The following CD8B2 variants were observed in gnomAD, a reference collection of about 807,000 sequenced individuals.
CD8B2 encodes the protein T-cell surface glycoprotein CD8 beta-2 chain.
A neutral mutation model predicts 23.7 loss-of-function variants in CD8B2; 11 were observed. The observed-to-expected ratio is 0.46, with a 90% CI of 0.29 to 0.77. The LOEUF is 0.77. Ranked by LOEUF, CD8B2 falls within the 30% of genes least tolerant of loss-of-function variation. The pLI, the probability that CD8B2 is intolerant of heterozygous loss-of-function variation, is 0.09. For missense variants in CD8B2, 197 were observed against 270.5 expected (o/e 0.73, Z 1.91); for synonymous variants, 90 against 109.3 (o/e 0.82, Z 1.10).
At chr2:106,533,230 G>A (rs1680017996) in intron 5 of CD8B2, among the ~76,000 whole-genome samples, 1 of 152,194 alleles carries the variant, frequency 6.6e-6, no homozygotes, top group Non-Finnish European at 1.5e-5. Flanking sequence ...ATTGCAGATG[G>A]ATAGGGCTCA....
chr2:106,521,464 T>C (rs1679824750), intron 5 of CD8B2: 1 of 152,164 alleles, frequency 6.6e-6, no homozygotes, highest in Non-Finnish European at 1.5e-5. Flanking sequence ...GAAAATGATA[T>C]GGGGGCTGCT....
In CD8B2 at chr2:106,487,383, G is replaced by T; in HGVS notation, c.-44G>T. ...CTCCTCACCCACCCCAGCCGCGACT[G>T]TCTCCGCCGAGCCCCCGGGGCCAGG... On this transcript the variant is annotated 5_prime_UTR_variant, in exon 1 of 6. Coordinates refer to ENST00000643224, the MANE Select transcript of CD8B2 (RefSeq NM_001349727.2). 1.7e-6 allele frequency: 2 copies of T among 1,169,358 alleles called. No individual in the cohort carries two copies. The highest frequency in any genetic ancestry group is 2.1e-6 in the Non-Finnish European group (2 of 932,334). 72.4% of individuals were successfully genotyped at this position (1,169,358 alleles called of 1,614,324 possible). A position where few individuals can be genotyped will look rare whatever the true frequency, so the allele number is the denominator to read the frequency against.
chr2:106,526,282 C>T (rs1269993984), intron 5 of CD8B2, among the ~76,000 whole-genome samples: 4 of 151,932 alleles, frequency 2.6e-5, no homozygotes, highest in Non-Finnish European at 5.9e-5. Context: ...ATACAACTCA[C>T]ATACCTAAAG....
Position 106,537,028 on chromosome 2 carries a change from G to C in CD8B2, c.621-6964G>C, listed in dbSNP as rs76712017. Among the ~76,000 whole-genome samples, 4 of 152,308 alleles carry C rather than the reference G, an allele frequency of 2.6e-5. No homozygotes were observed. In the South Asian group the frequency reaches 8.3e-4, roughly 32 times the overall value. The stretch of plus-strand genomic sequence containing the variant: ...TTCTCCAATAGGACACATCTGTGCT[G>C]TTGGCTCTAGGTGCCCTTTGTCTGT... On this transcript the variant is annotated intron_variant, in intron 5 of 5. Coordinates refer to the CD8B2 transcript ENST00000416057.
intron 5 of CD8B2, among the ~76,000 whole-genome samples, chr2:106,539,015 C>T (rs1177709632): frequency 6.6e-6 from 1 of 152,148 alleles, no homozygotes; most frequent in Non-Finnish European, 1.5e-5. Context: ...GTTCTTGCAG[C>T]TGGTGTGTGC....
intron 3 of CD8B2, among the ~76,000 whole-genome samples, chr2:106,498,852 G>A (rs1481177765): frequency 6.6e-6 from 1 of 152,106 alleles, no homozygotes; most frequent in African/African-American, 2.4e-5. Flanking sequence ...AACCCATGGG[G>A]TCACTGAGAA....
At chr2:106,520,964 T>C (rs945556576) in intron 5 of CD8B2, among the ~76,000 whole-genome samples, 4 of 128,942 alleles carry the variant, frequency 3.1e-5, no homozygotes, top group Non-Finnish European at 6.4e-5. Context: ...AAGAAAGAGA[T>C]AGGAGAACAA....
chr2:106,509,872 C>G lies in CD8B2; in HGVS notation c.*2932C>G, dbSNP rs1161548592. 1 of 152,172 alleles carries G rather than the reference C, an allele frequency of 6.6e-6. No homozygotes were observed. The highest frequency in any genetic ancestry group is 1.5e-5 in the Non-Finnish European group (1 of 68,034). The allele number at this position is 152,172 out of a possible 1,614,324, so 9.4% of individuals were successfully genotyped here. A position where few individuals can be genotyped will look rare whatever the true frequency, so the allele number is the denominator to read the frequency against. On this transcript the variant is annotated 3_prime_UTR_variant, in exon 6 of 6. Coordinates refer to ENST00000643224, the MANE Select transcript of CD8B2 (RefSeq NM_001349727.2). Reference sequence around the variant, plus strand: ...GAAATACATCAAAAAGTGGCATGCACAAAGAAATACGCATCAGATTGTTCC... The same window carrying G: ...GAAATACATCAAAAAGTGGCATGCAGAAAGAAATACGCATCAGATTGTTCC...
intron 5 of CD8B2, among the ~76,000 whole-genome samples, chr2:106,530,919 T>C (rs1679982817): frequency 6.6e-6 from 1 of 152,108 alleles, no homozygotes; most frequent in South Asian, 2.1e-4. Flanking sequence ...GTACCCTAGA[T>C]GGGCTAAAAA....
chr2:106,519,886 C>T (rs1679795949), intron 5 of CD8B2, among the ~76,000 whole-genome samples: 1 of 152,204 alleles, frequency 6.6e-6, no homozygotes, highest in Admixed American at 6.5e-5. Context: ...GCCCGTGGGC[C>T]ACAGGTTGGA....
chr2:106,533,867 G>A (rs1680047130), intron 5 of CD8B2, among the ~76,000 whole-genome samples: 3 of 152,146 alleles, frequency 2.0e-5, no homozygotes, highest in Admixed American at 1.3e-4. Context: ...AGCAGCACTG[G>A]GAAGTTTGCC....
At chr2:106,522,210 T>G (rs1679837781) in intron 5 of CD8B2, 1 of 152,176 alleles carries the variant, frequency 6.6e-6, no homozygotes. Flanking sequence ...CATAATTAAA[T>G]TTATGGCTCT....
intron 2 of CD8B2, 121 bp from the exon 3 acceptor site, chr2:106,496,052 C>T: frequency 1.3e-6 from 2 of 1,499,536 alleles, no homozygotes; most frequent in Admixed American, 2.1e-5. Context: ...CCTGCCTTGG[C>T]CTCCGGAAGT....
intron 5 of CD8B2, among the ~76,000 whole-genome samples, chr2:106,536,057 A>G (rs1680084106): frequency 7.0e-6 from 1 of 143,296 alleles, no homozygotes; most frequent in South Asian, 2.2e-4. Flanking sequence ...TTTTTGAGAC[A>G]GAGTTTTGCT....
chr2:106,524,835 G>A (rs1679885616), intron 5 of CD8B2, among the ~76,000 whole-genome samples: 1 of 152,092 alleles, frequency 6.6e-6, no homozygotes, highest in African/African-American at 2.4e-5. Context: ...GGAATCCCCT[G>A]GAAAACTGGG....
intron 5 of CD8B2, among the ~76,000 whole-genome samples, chr2:106,505,295 T>C (rs890252547): frequency 4.6e-5 from 7 of 152,190 alleles, no homozygotes; most frequent in South Asian, 4.1e-4. Context: ...TACACAACTC[T>C]AAATTGACGA....
chr2:106,500,997 T>C (rs1217147187), intron 3 of CD8B2, among the ~76,000 whole-genome samples: 5 of 152,226 alleles, frequency 3.3e-5, no homozygotes, highest in Non-Finnish European at 5.9e-5. Flanking sequence ...ATTTTGATGA[T>C]ATCAAGGGTC....
chr2:106,525,872 A>C (rs1299042296), intron 5 of CD8B2, among the ~76,000 whole-genome samples: 1 of 152,236 alleles, frequency 6.6e-6, no homozygotes, highest in African/African-American at 2.4e-5. Flanking sequence ...GTCCGCAGTG[A>C]AGTGCAATGA....
chr2:106,531,333 G>A (rs1679987134), intron 5 of CD8B2, among the ~76,000 whole-genome samples: 1 of 152,182 alleles, frequency 6.6e-6, no homozygotes, highest in African/African-American at 2.4e-5. Context: ...TGGGAACTAG[G>A]TACACCACTT....
Sources: allele counts gnomAD v4.1 joint callset (sites outside exome capture counted in the v4.1 genomes callset), GRCh38; gene constraint gnomAD v4.1.1; transcripts MANE v1.5; gene names NCBI Gene and HGNC (gene_info 2026-07-23, HGNC 2026-07-21).